Variants in TRMU observed in about 807,000 individuals in gnomAD.
TRMU encodes tRNA mitochondrial 2-thiouridylase, also known as mitochondrial tRNA-specific 2-thiouridylase 1.
A neutral mutation model predicts 46.9 loss-of-function variants in TRMU; 49 were observed. That is an observed-to-expected ratio of 1.05 (90% CI 0.83 to 1.33). TRMU has a LOEUF of 1.33. TRMU is among the 40% of genes most tolerant of loss of function. TRMU has a pLI of 0.00. For synonymous variants in TRMU, 241 were observed against 200.9 expected (o/e 1.20, Z -1.69); for missense variants, 572 against 532.4 (o/e 1.07, Z -0.73).
rs566613859 is a variant in TRMU, at chr22:46,339,643, A to C, written c.248+1699A>C. 9.8e-5 allele frequency among the ~76,000 whole-genome samples: 15 copies of C among 152,310 alleles called. No homozygotes were observed. The highest frequency in any genetic ancestry group is 3.6e-4 in the African/African-American group (15 of 41,574). ...ACTGAAGAACTTATCCATGTGACCAAATACCAGCTGTTGCCCAAAAAACCA... is the reference window on the plus strand; with the variant it reads ...ACTGAAGAACTTATCCATGTGACCACATACCAGCTGTTGCCCAAAAAACCA... On this transcript the variant is annotated intron_variant, in intron 2 of 10. Transcript: ENST00000645190. The surrounding 1 kb of genome is among the most constrained non-coding windows in gnomAD (Gnocchi z 4.8).
rs1268247391 is a variant in TRMU, at chr22:46,343,456, A to G, written c.355+88A>G. On this transcript the variant is annotated intron_variant, in intron 3 of 10. Transcript: ENST00000645190. The stretch of plus-strand genomic sequence containing the variant: ...GCTGGATTGCAGTGGTGCGATCATG[A>G]CTCACTGCAGCCTCGACCTCCTGGG... 4.1e-6 allele frequency: 4 copies of G among 986,750 alleles called. No homozygotes were observed. In the African/African-American group the frequency reaches 4.8e-5, roughly 12 times the overall value. 61.1% of individuals were successfully genotyped at this position (986,750 alleles called of 1,614,324 possible). A position where few individuals can be genotyped will look rare whatever the true frequency, so the allele number is the denominator to read the frequency against.
In TRMU at chr22:46,357,271, C is replaced by T. The variant is rs2078642950; in HGVS notation, c.*265C>T. The T allele has an allele frequency of 1.8e-6, 1 of 569,688 alleles. No individual in the cohort carries two copies. The highest frequency in any genetic ancestry group is 4.8e-4 in the Middle Eastern group (1 of 2,082). The allele number at this position is 569,688 out of a possible 1,614,324, so 35.3% of individuals were successfully genotyped here. On this transcript the variant is annotated 3_prime_UTR_variant, in exon 11 of 11. Transcript: ENST00000645190. ...CGCCCCCAGGGAGGGTTTCCCACCT[C>T]AGAGTACACCGAGGGGACCTGCAGA...
At position 46,351,996 on chromosome 22, in the gene TRMU, C is replaced by A; in HGVS notation, c.652-125C>A. ...CCGAGGGTGCCGGTGGGCAGCCGGG[C>A]CCCTACCCTGGAAGCAAAGTGTGGG... On this transcript the variant is annotated intron_variant, in intron 5 of 10. Transcript: ENST00000645190. This position sits in a 1 kb window ranked among gnomAD's most constrained non-coding sequence, Gnocchi z 6.4. 1 of 1,085,422 alleles carries A rather than the reference C, an allele frequency of 9.2e-7. No homozygotes were observed. The highest frequency in any genetic ancestry group is 1.4e-6 in the Non-Finnish European group (1 of 708,002). 67.2% of individuals were successfully genotyped at this position (1,085,422 alleles called of 1,614,324 possible).
chr22:46,355,401 C>G (rs1156726160), intron 8 of TRMU, 43 bp from the exon 9 acceptor site: 5 of 1,606,070 alleles, frequency 3.1e-6, no homozygotes, highest in Non-Finnish European at 4.2e-6. Context: ...GCCTTGGGGC[C>G]AGGTGCCCCT....
chr22:46,344,758 A>G (rs2078207931), intron 3 of TRMU, among the ~76,000 whole-genome samples: 1 of 152,158 alleles, frequency 6.6e-6, no homozygotes, highest in African/African-American at 2.4e-5. Context: ...AGACTTCTGA[A>G]CTCACCGCGC....
Position 46,350,928 on chromosome 22 carries a change from G to A in TRMU, c.651+465G>A, listed in dbSNP as rs1406471385. Among the ~76,000 whole-genome samples, 1 of 152,232 alleles carries A rather than the reference G, an allele frequency of 6.6e-6. No homozygotes were observed. The highest frequency in any genetic ancestry group is 1.5e-5 in the Non-Finnish European group (1 of 68,032). ...TGCTGGGCCGCGAGGAATTGGTGAC[G>A]CGCACACAGTTCCATCTTCGCCTCC... On this transcript the variant is annotated intron_variant, in intron 5 of 10. Transcript: ENST00000645190. The surrounding 1 kb of genome is among the most constrained non-coding windows in gnomAD (Gnocchi z 4.6).
chr22:46,337,519 C>A (rs1408650852), intron 1 of TRMU, among the ~76,000 whole-genome samples: 2 of 152,112 alleles, frequency 1.3e-5, no homozygotes, highest in African/African-American at 4.8e-5. Context: ...ACTGGCTGAT[C>A]CCCTCCTGCT....
rs532956032 is a variant in TRMU, at chr22:46,336,120, G to C, written c.82+274G>C. 19 of 1,348,388 alleles carry C rather than the reference G, an allele frequency of 1.4e-5. No individual in the cohort carries two copies. In the East Asian group the frequency reaches 5.7e-4, roughly 41 times the overall value. 83.5% of individuals were successfully genotyped at this position (1,348,388 alleles called of 1,614,324 possible). ...CGCCCACCCACAGTGAGAAGCCGGC[G>C]GGCCGGGGTGGGGTGGGGAGGGAAG... On this transcript the variant is annotated intron_variant, in intron 1 of 10. Coordinates refer to ENST00000645190, the MANE Select transcript of TRMU (RefSeq NM_018006.5). This position sits in a 1 kb window ranked among gnomAD's most constrained non-coding sequence, Gnocchi z 4.1.
rs1211097737 is a variant in TRMU at position 46,355,587 on chromosome 22, A to G, written c.1017A>G (p.Leu339=). ...CHFRFRHQMA[L]VPCVLTLNQD... is the part of the protein sequence containing the mutation. ...TCCGATTCCGCCACCAGATGGCACTAGGTGACTGACGGGAGGGCTCCTGAG... is the reference window on the plus strand; with the variant it reads ...TCCGATTCCGCCACCAGATGGCACTGGGTGACTGACGGGAGGGCTCCTGAG... Residue 339 remains leucine (L), a splice_region_variant and synonymous_variant, in exon 9 of 11, where the codon CTA becomes CTG. Coordinates refer to ENST00000645190, the MANE Select transcript of TRMU (RefSeq NM_018006.5). 6.2e-7 allele frequency: 1 copy of G among 1,613,242 alleles called. No homozygotes were observed. The highest frequency in any genetic ancestry group is 2.2e-5 in the East Asian group (1 of 44,896).
Position 46,350,128 on chromosome 22 carries a change from C to T in TRMU, c.479-163C>T, listed in dbSNP as rs1326459595. ...TTTTTGGAGGTGCGAATTTTTCTTACATTAACCCGTGGTGGTCTTTTCCCT... is the reference window on the plus strand; with the variant it reads ...TTTTTGGAGGTGCGAATTTTTCTTATATTAACCCGTGGTGGTCTTTTCCCT... On this transcript the variant is annotated intron_variant, in intron 4 of 10. Coordinates refer to ENST00000645190, the MANE Select transcript of TRMU (RefSeq NM_018006.5). The surrounding 1 kb of genome is among the most constrained non-coding windows in gnomAD (Gnocchi z 4.6). Among the ~76,000 whole-genome samples the T allele has an allele frequency of 6.6e-6, 1 of 151,274 alleles. No individual in the cohort carries two copies. Among genetic ancestry groups the T allele is most frequent in the Non-Finnish European group, 1.5e-5 (1 of 67,912 alleles).
intron 2 of TRMU, among the ~76,000 whole-genome samples, chr22:46,340,077 G>A (rs2078081888): frequency 6.6e-6 from 1 of 152,152 alleles, no homozygotes; most frequent in African/African-American, 2.4e-5. Context: ...GGGCTGGCTT[G>A]TTGGACCCAG....
chr22:46,355,403 G>A, intron 8 of TRMU, 41 bp from the exon 9 acceptor site: 3 of 1,606,214 alleles, frequency 1.9e-6, no homozygotes, highest in Non-Finnish European at 2.5e-6. Flanking sequence ...CTTGGGGCCA[G>A]GTGCCCCTCG....
chr22:46,355,399 G>A, intron 8 of TRMU, 45 bp from the exon 9 acceptor site: 1 of 1,604,814 alleles, frequency 6.2e-7, no homozygotes, highest in East Asian at 2.3e-5. Context: ...CGGCCTTGGG[G>A]CCAGGTGCCC....
intron 7 of TRMU, 164 bp from the exon 8 acceptor site, chr22:46,353,603 G>C (rs1262575550): frequency 6.3e-6 from 4 of 637,354 alleles, no homozygotes; most frequent in Non-Finnish European, 1.2e-5. Flanking sequence ...TCAGGTGCTT[G>C]GTCAGGGCTG....
In TRMU at chr22:46,355,546, A is replaced by G. The variant is rs200397865; in HGVS notation, c.976A>G (p.Met326Val). The G allele has an allele frequency of 1.2e-6, 2 of 1,613,294 alleles. No homozygotes were observed. The highest frequency in any genetic ancestry group is 1.7e-6 in the Non-Finnish European group (2 of 1,180,022). Residue 326 changes from methionine (M) to valine (V), a missense_variant, in exon 9 of 11, where the codon ATG becomes GTG. Coordinates refer to ENST00000645190, the MANE Select transcript of TRMU (RefSeq NM_018006.5). ...TCCCGCAGCACTGGTCCGGGACAAG[A>G]TGATGGAGTGCCACTTCCGATTCCG... ...EPPAALVRDK[M>V]MECHFRFRHQ...
chr22:46,356,032 T>TG lies in TRMU; in HGVS notation c.1062dup (p.Thr355AspfsTer51), dbSNP rs1372867653. 1 of 1,613,974 alleles carries TG rather than the reference T, an allele frequency of 6.2e-7. No individual in the cohort carries two copies. The highest frequency in any genetic ancestry group is 1.7e-5 in the Admixed American group (1 of 60,024). On this transcript the variant is annotated frameshift_variant, in exon 10 of 11. Transcript: ENST00000645190. LOFTEE classifies it low-confidence loss of function (END_TRUNC). ...CTCAATCAAGATGGCACCGTGTGGG[T>TG]GACAGCTGTGCAGGCTGTGCGTGCC...
In TRMU at chr22:46,338,417, C is replaced by T. The variant is rs1438434955; in HGVS notation, c.248+473C>T. Among the ~76,000 whole-genome samples the T allele has an allele frequency of 1.3e-5, 2 of 152,246 alleles. No homozygotes were observed. The highest frequency in any genetic ancestry group is 2.9e-5 in the Non-Finnish European group (2 of 68,044). On this transcript the variant is annotated intron_variant, in intron 2 of 10. Coordinates refer to ENST00000645190, the MANE Select transcript of TRMU (RefSeq NM_018006.5). This position sits in a 1 kb window ranked among gnomAD's most constrained non-coding sequence, Gnocchi z 4.5. ...CAATAATTAAGTGCTGTGTGCTAGG[C>T]GTGTGCCACATCTAGGAACATTAAG...
intron 1 of TRMU, among the ~76,000 whole-genome samples, chr22:46,337,286 A>G (rs1364063929): frequency 6.6e-6 from 1 of 152,168 alleles, no homozygotes; most frequent in East Asian, 1.9e-4. Flanking sequence ...TTGGGTGAAT[A>G]TTTTGTTACA....
chr22:46,337,556 G>A (rs2078010414), intron 1 of TRMU, among the ~76,000 whole-genome samples: 1 of 152,130 alleles, frequency 6.6e-6, no homozygotes, highest in African/African-American at 2.4e-5. Flanking sequence ...CATAGATGGG[G>A]ACACAAAGAT....
Sources: gnomAD v4.1 joint callset for allele counts (sites outside exome capture counted in the v4.1 genomes callset) on GRCh38, gnomAD v4.1.1 for gene constraint, Gnocchi (gnomAD v3.1) non-coding constraint, MANE v1.5 for transcripts, NCBI Gene and HGNC (gene_info 2026-07-23, HGNC 2026-07-21) for gene names.